Variants in CDKL2 observed in about 807,000 individuals in gnomAD.
The protein encoded by CDKL2 is cyclin-dependent kinase-like 2.
In CDKL2, 64 loss-of-function variants were observed where a neutral mutation model predicts 63.9. That is an observed-to-expected ratio of 1.00 (90% CI 0.82 to 1.23). The LOEUF (loss-of-function observed/expected upper bound fraction) is 1.23. CDKL2 is among the 50% of genes most tolerant of loss of function. The probability of loss-of-function intolerance (pLI) is 0.00; values close to 1 mark genes in which losing one functional copy is unlikely to be tolerated. For synonymous variants in CDKL2, 211 were observed against 229.2 expected (o/e 0.92, Z 0.72); for missense variants, 656 against 668.0 (o/e 0.98, Z 0.20).
At chr4:75,608,952 C>A (rs1425334047) in intron 3 of CDKL2, among the ~76,000 whole-genome samples, 2 of 150,216 alleles carry the variant, frequency 1.3e-5, no homozygotes, top group African/African-American at 4.9e-5. Flanking sequence ...CAAGATCGCA[C>A]CACTGTATTC....
chr4:75,581,950 A>G lies in CDKL2; in HGVS notation c.1648-52T>C, dbSNP rs758122978. The G allele has an allele frequency of 5.0e-6, 6 of 1,205,694 alleles. No homozygotes were observed. The East Asian group carries it at 9.4e-5, about 19-fold the overall frequency. The allele number at this position is 1,205,694 out of a possible 1,614,324, so 74.7% of individuals were successfully genotyped here. Reference sequence around the variant, plus strand: ...GGTTCTCAGTAATTGCAAAAGTTCCACTTCCCCAAAATTTCAATTCTATTT... The same window carrying G: ...GGTTCTCAGTAATTGCAAAAGTTCCGCTTCCCCAAAATTTCAATTCTATTT... On this transcript the variant is annotated intron_variant, in intron 12 of 13. Transcript: ENST00000307465.
At chr4:75,600,816 A>G (rs1193729794) in intron 6 of CDKL2, among the ~76,000 whole-genome samples, 1 of 152,158 alleles carries the variant, frequency 6.6e-6, no homozygotes, top group Admixed American at 6.6e-5. Flanking sequence ...AAATCTAGAC[A>G]ATGACCGTCA....
In CDKL2 at chr4:75,608,142, T is replaced by TA. The variant is rs397960835; in HGVS notation, c.364-782dup. On this transcript the variant is annotated intron_variant, in intron 3 of 13. Transcript: ENST00000307465. ...AAAACCTTTTTTTTTTTTTTTTTTT[T>TA]AGGCATCGTCTTGCTCTTGTCGCCC... Among the ~76,000 whole-genome samples the TA allele has an allele frequency of 1.1e-3, 165 of 143,976 alleles. 1 individual carries two copies. The highest frequency in any genetic ancestry group is 4.1e-3 in the African/African-American group (159 of 38,586). The allele number at this position is 143,976 out of a possible 152,430, so 94.5% of individuals were successfully genotyped here. A position where few individuals can be genotyped will look rare whatever the true frequency, so the allele number is the denominator to read the frequency against.
At chr4:75,588,591 A>G (rs973525697) in intron 12 of CDKL2, among the ~76,000 whole-genome samples, 8 of 152,202 alleles carry the variant, frequency 5.3e-5, no homozygotes, top group African/African-American at 1.7e-4. Context: ...ATTCACAATT[A>G]GAGGTATCTT....
chr4:75,596,167 T>C (rs1728923809), intron 10 of CDKL2, 80 bp downstream of exon 10: 1 of 839,054 alleles, frequency 1.2e-6, no homozygotes, highest in South Asian at 1.5e-5. Flanking sequence ...TTCTCAATAC[T>C]TCACTATCAT....
chr4:75,588,326 T>C (rs916120309), intron 12 of CDKL2, among the ~76,000 whole-genome samples: 3 of 152,136 alleles, frequency 2.0e-5, no homozygotes, highest in African/African-American at 7.2e-5. Flanking sequence ...CACCAACTTA[T>C]TAAACTTTTT....
At chr4:75,624,131 CA>C (rs35798736) in intron 2 of CDKL2, among the ~76,000 whole-genome samples, 77,281 of 118,140 alleles carry the variant, frequency 0.65, 24,204 homozygotes, top group East Asian at 0.85. Context: ...AACTCCATCT[CA>C]AAAAAAAAAA....
intron 3 of CDKL2, among the ~76,000 whole-genome samples, chr4:75,607,756 A>G (rs1729486421): frequency 6.6e-6 from 1 of 152,186 alleles, no homozygotes; most frequent in African/African-American, 2.4e-5. Flanking sequence ...GGGCAGCCCA[A>G]GTGAATGTAA....
intron 3 of CDKL2, among the ~76,000 whole-genome samples, chr4:75,608,025 G>A (rs1412184596): frequency 6.6e-6 from 1 of 151,384 alleles, no homozygotes; most frequent in African/African-American, 2.4e-5. Context: ...TGTTAGCCAG[G>A]ATGGTCTCGA....
At chr4:75,619,700 A>G (rs200574253) in intron 2 of CDKL2, among the ~76,000 whole-genome samples, 1 of 151,996 alleles carries the variant, frequency 6.6e-6, no homozygotes, top group East Asian at 1.9e-4. Flanking sequence ...AAATCAAATC[A>G]GCGGGCAATA....
Position 75,578,748 on chromosome 4 carries a change from C to T in CDKL2, c.*454G>A, listed in dbSNP as rs1226114549. On this transcript the variant is annotated 3_prime_UTR_variant, in exon 14 of 14. Coordinates refer to ENST00000307465, the MANE Select transcript of CDKL2 (RefSeq NM_001330724.2). ...TTTTTATCACCTACCCCCAAGAAAC[C>T]CACTCCTAAATAAATGTACACATTT... 1 of 152,478 alleles carries T rather than the reference C, an allele frequency of 6.6e-6. No homozygotes were observed. The highest frequency in any genetic ancestry group is 1.5e-5 in the Non-Finnish European group (1 of 68,014). 9.4% of individuals were successfully genotyped at this position (152,478 alleles called of 1,614,324 possible). A position where few individuals can be genotyped will look rare whatever the true frequency, so the allele number is the denominator to read the frequency against.
At chr4:75,612,778 T>C (rs1412348769) in intron 3 of CDKL2, among the ~76,000 whole-genome samples, 1 of 152,224 alleles carries the variant, frequency 6.6e-6, no homozygotes, top group Non-Finnish European at 1.5e-5. Context: ...CTGAGTTTGG[T>C]CAATATGAGT....
At chr4:75,585,687 G>A (rs867534295) in intron 12 of CDKL2, among the ~76,000 whole-genome samples, 4 of 152,132 alleles carry the variant, frequency 2.6e-5, no homozygotes, top group East Asian at 1.9e-4. Context: ...TTGGGAGGCC[G>A]ATGTGGGTGG....
intron 2 of CDKL2, among the ~76,000 whole-genome samples, chr4:75,617,051 T>C (rs1162278401): frequency 6.6e-6 from 1 of 152,112 alleles, no homozygotes; most frequent in Non-Finnish European, 1.5e-5. Flanking sequence ...CAAAATCCAA[T>C]TCCATTATTA....
In CDKL2 at chr4:75,625,907, T is replaced by C. The variant is rs765512008; in HGVS notation, c.82A>G (p.Arg28Gly). The C allele has an allele frequency of 2.5e-6, 4 of 1,612,944 alleles. No homozygotes were observed. In the East Asian group the frequency reaches 8.9e-5, roughly 36 times the overall value. Residue 28 changes from arginine (R) to glycine (G), a missense_variant, in exon 2 of 14, where the codon AGA becomes GGA. Transcript: ENST00000307465. ...AAGAACTTCTTTATGGCCACAATTC[T>C]TCCAGTATCTTTATTCCTACACTTC... Reference protein sequence around the residue: ...VMKCRNKDTGRIVAIKKFLES... With the variant: ...VMKCRNKDTGGIVAIKKFLES...
At chr4:75,628,629 A>G (rs962675838) in intron 1 of CDKL2, among the ~76,000 whole-genome samples, 8 of 152,190 alleles carry the variant, frequency 5.3e-5, no homozygotes, top group Non-Finnish European at 1.0e-4. Flanking sequence ...CCAAATACAG[A>G]TAGATTTTAA....
chr4:75,609,092 T>G (rs1449658059), intron 3 of CDKL2, among the ~76,000 whole-genome samples: 5 of 152,104 alleles, frequency 3.3e-5, no homozygotes, highest in African/African-American at 7.2e-5. Flanking sequence ...AAAAGAATGG[T>G]GGTTTCATTT....
In CDKL2 at chr4:75,600,721, A is replaced by G. The variant is rs534413342; in HGVS notation, c.796-352T>C. 3.3e-5 allele frequency among the ~76,000 whole-genome samples: 5 copies of G among 152,258 alleles called. No individual in the cohort carries two copies. In the East Asian group the frequency reaches 9.6e-4, roughly 29 times the overall value. ...CTATCCACCCTCCTCAGCTTCCCAA[A>G]ATGCTGGGATTACCAGCGCAAGCCA... On this transcript the variant is annotated intron_variant, in intron 6 of 13. Transcript: ENST00000307465.
chr4:75,577,506 G>A lies in CDKL2; in HGVS notation c.*1696C>T, dbSNP rs1327832240. 6.6e-6 allele frequency among the ~76,000 whole-genome samples: 1 copy of A among 152,132 alleles called. No individual in the cohort carries two copies. The highest frequency in any genetic ancestry group is 1.5e-5 in the Non-Finnish European group (1 of 68,016). ...CTAGTATAAAAACTGCAAGGCAATT[G>A]ATCCTAGAACCTCAACCATTGAGCT... On this transcript the variant is annotated 3_prime_UTR_variant, in exon 14 of 14. Transcript: ENST00000307465.
Sources: allele counts gnomAD v4.1 joint callset (sites outside exome capture counted in the v4.1 genomes callset), GRCh38; gene constraint gnomAD v4.1.1; transcripts MANE v1.5; gene names NCBI Gene and HGNC (gene_info 2026-07-23, HGNC 2026-07-21).